Variants in GTF2F2 observed in about 807,000 individuals in gnomAD.
GTF2F2 encodes the protein ATP-dependent helicase GTF2F2.
Under a neutral mutation model 42.2 loss-of-function variants are expected in GTF2F2, and 23 were observed. The ratio of observed to expected loss-of-function variants is 0.55; its 90% CI spans 0.39 to 0.77. The LOEUF (loss-of-function observed/expected upper bound fraction) is 0.77. Ranked by LOEUF, GTF2F2 falls within the 30% of genes least tolerant of loss-of-function variation. GTF2F2 has a pLI of 0.00. For missense variants in GTF2F2, 261 were observed against 287.2 expected (o/e 0.91, Z 0.66); for synonymous variants, 105 against 100.8 (o/e 1.04, Z -0.25).
chr13:45,271,091 G>C (rs980123660), intron 7 of GTF2F2, among the ~76,000 whole-genome samples: 29 of 151,896 alleles, frequency 1.9e-4, no homozygotes, highest in Admixed American at 1.9e-3. Context: ...AGGAGATCGA[G>C]ACTATCCTGG....
chr13:45,177,211 G>T (rs966245211), intron 4 of GTF2F2, among the ~76,000 whole-genome samples: 8 of 151,912 alleles, frequency 5.3e-5, no homozygotes, highest in Non-Finnish European at 8.8e-5. Flanking sequence ...TACAATACCA[G>T]CTTTGCCATA....
At chr13:45,276,398 TCA>T (rs1050758431) in intron 7 of GTF2F2, among the ~76,000 whole-genome samples, 10 of 152,130 alleles carry the variant, frequency 6.6e-5, no homozygotes, top group African/African-American at 2.4e-4. Flanking sequence ...AATTGTTCGG[TCA>T]CATGGTAACT....
intron 5 of GTF2F2, among the ~76,000 whole-genome samples, chr13:45,214,611 A>G (rs1344480236): frequency 6.6e-6 from 1 of 152,208 alleles, no homozygotes; most frequent in Non-Finnish European, 1.5e-5. Flanking sequence ...AGTTTGGATT[A>G]ATCTGAATAT....
rs138632639 is a variant in GTF2F2, at chr13:45,254,667, T to A, written c.486+1697T>A. On this transcript the variant is annotated intron_variant, in intron 6 of 7. Transcript: ENST00000340473. Reference sequence around the variant, plus strand: ...GCTTAGGAGCCATACTGTTAACCACTGTGTATGTTGCCGCTGGTGATTAGC... The same window carrying A: ...GCTTAGGAGCCATACTGTTAACCACAGTGTATGTTGCCGCTGGTGATTAGC... 2.0e-5 allele frequency among the ~76,000 whole-genome samples: 3 copies of A among 152,300 alleles called. No homozygotes were observed. The East Asian group carries it at 5.8e-4, about 29-fold the overall frequency.
At chr13:45,194,469 T>G in intron 4 of GTF2F2, 1 of 1,614,128 alleles carries the variant, frequency 6.2e-7, no homozygotes, top group Admixed American at 1.7e-5. Context: ...GGGTCATCAG[T>G]GTGGATTTGC....
At chr13:45,179,623 C>G (rs1024103696) in intron 4 of GTF2F2, among the ~76,000 whole-genome samples, 7 of 152,094 alleles carry the variant, frequency 4.6e-5, no homozygotes, top group Non-Finnish European at 1.0e-4. Context: ...TCCCTCATGC[C>G]TTGGGAGGCT....
intron 5 of GTF2F2, among the ~76,000 whole-genome samples, chr13:45,212,799 TG>T (rs1873743612): frequency 6.6e-6 from 1 of 152,006 alleles, no homozygotes; most frequent in Admixed American, 6.6e-5. Flanking sequence ...TGGAGTGCAG[TG>T]GTGCGATCTT....
intron 7 of GTF2F2, among the ~76,000 whole-genome samples, chr13:45,280,328 G>A (rs1356379161): frequency 6.6e-6 from 1 of 152,184 alleles, no homozygotes; most frequent in South Asian, 2.1e-4. Context: ...GGAAGGACAT[G>A]TGCTCTTTCT....
At chr13:45,282,112 C>A (rs1370362999) in intron 7 of GTF2F2, among the ~76,000 whole-genome samples, 1 of 152,100 alleles carries the variant, frequency 6.6e-6, no homozygotes, top group African/African-American at 2.4e-5. Flanking sequence ...GCAGGAGAAT[C>A]GCTTGAACCT....
At chr13:45,128,066 T>C (rs1223072161) in intron 1 of GTF2F2, among the ~76,000 whole-genome samples, 3 of 144,548 alleles carry the variant, frequency 2.1e-5, no homozygotes, top group African/African-American at 7.6e-5. Flanking sequence ...ATTCACGCCA[T>C]TCTTCTGCCT....
chr13:45,200,381 G>A (rs1239588984), intron 4 of GTF2F2, among the ~76,000 whole-genome samples: 1 of 151,862 alleles, frequency 6.6e-6, no homozygotes, highest in East Asian at 1.9e-4. Context: ...GGAGTGTATT[G>A]CAACCTCAAC....
intron 4 of GTF2F2, among the ~76,000 whole-genome samples, chr13:45,201,730 C>A (rs1053431985): frequency 6.6e-6 from 1 of 152,132 alleles, no homozygotes; most frequent in Admixed American, 6.6e-5. Context: ...GTAGCAGAAA[C>A]CAGTCAACAA....
At chr13:45,180,623 T>C (rs79769151) in intron 4 of GTF2F2, among the ~76,000 whole-genome samples, 1,627 of 152,314 alleles carry the variant, frequency 0.011, 35 homozygotes, top group African/African-American at 0.037. Flanking sequence ...GCCAAATGAA[T>C]TGTACTTTTA....
rs1555269183 is a variant in GTF2F2, at chr13:45,212,451, C to CTTTCTTTCTTTTCTTTTCTTTTCTTTTCT, written c.386+4957_386+4958insTCTTTTCTTTTCTTTTCTTTTCTTTCTTT. Among the ~76,000 whole-genome samples, 266 of 71,682 alleles carry CTTTCTTTCTTTTCTTTTCTTTTCTTTTCT rather than the reference C, an allele frequency of 3.7e-3. 6 individuals carry two copies. Among genetic ancestry groups the CTTTCTTTCTTTTCTTTTCTTTTCTTTTCT allele is most frequent in the Non-Finnish European group, 5.0e-3 (176 of 35,076 alleles). The allele number at this position is 71,682 out of a possible 152,430, so 47.0% of individuals were successfully genotyped here. On this transcript the variant is annotated intron_variant, in intron 5 of 7. Transcript: ENST00000340473. Reference sequence around the variant, plus strand: ...TTCTTTCTTTCTTTCTTTCTTGTTTCTTTCTTTCTTTCTTTCTTTCTTTCT... The same window carrying CTTTCTTTCTTTTCTTTTCTTTTCTTTTCT: ...TTCTTTCTTTCTTTCTTTCTTGTTTCTTTCTTTCTTTTCTTTTCTTTTCTTTTCTTTTCTTTCTTTCTTTCTTTCTTTCT...
At chr13:45,149,553 C>G (rs1263735181) in intron 2 of GTF2F2, among the ~76,000 whole-genome samples, 3 of 151,930 alleles carry the variant, frequency 2.0e-5, no homozygotes, top group Non-Finnish European at 4.4e-5. Context: ...GACATAAACT[C>G]ATAATATCCA....
intron 5 of GTF2F2, among the ~76,000 whole-genome samples, chr13:45,218,552 G>T (rs1275008904): frequency 6.6e-6 from 1 of 152,152 alleles, no homozygotes; most frequent in Non-Finnish European, 1.5e-5. Flanking sequence ...GTTTGCTGCA[G>T]GCCAATGTGT....
intron 5 of GTF2F2, chr13:45,219,748 A>G (rs878998678): frequency 1.3e-5 from 2 of 152,198 alleles, no homozygotes; most frequent in Admixed American, 6.5e-5. Flanking sequence ...CTGCTAATCT[A>G]TAATGTACCC....
At chr13:45,160,766 G>GTTT (rs59676340) in intron 4 of GTF2F2, among the ~76,000 whole-genome samples, 15 of 141,658 alleles carry the variant, frequency 1.1e-4, no homozygotes, top group South Asian at 9.2e-4. Context: ...CCTGTCAGCT[G>GTTT]TTTTTTTTTT....
At chr13:45,227,116 A>T (rs550320323) in intron 5 of GTF2F2, among the ~76,000 whole-genome samples, 1 of 152,270 alleles carries the variant, frequency 6.6e-6, no homozygotes, top group Admixed American at 6.5e-5. Context: ...AAAAAATATT[A>T]TATAGCTGGA....
Sources: gnomAD v4.1 joint callset for allele counts (sites outside exome capture counted in the v4.1 genomes callset) on GRCh38, gnomAD v4.1.1 for gene constraint, MANE v1.5 for transcripts, NCBI Gene and HGNC (gene_info 2026-07-23, HGNC 2026-07-21) for gene names.